NALF1: variants seen among roughly 807,000 people sequenced by gnomAD.
NALF1 encodes family with sequence similarity 155 member A.
A neutral mutation model predicts 48.4 loss-of-function variants in NALF1; 3 were observed. The ratio of observed to expected loss-of-function variants is 0.06; its 90% CI spans 0.03 to 0.16. The LOEUF (loss-of-function observed/expected upper bound fraction) is 0.16. NALF1 is among the 10% of genes least tolerant of loss of function. The probability of loss-of-function intolerance (pLI) is 1.00; values close to 1 mark genes in which losing one functional copy is unlikely to be tolerated. For missense variants in NALF1, 526 were observed against 571.5 expected (o/e 0.92, Z 0.81); for synonymous variants, 262 against 245.7 (o/e 1.07, Z -0.62).
intron 1 of NALF1, among the ~76,000 whole-genome samples, chr13:107,644,577 C>G (rs1880252721): frequency 1.3e-5 from 2 of 148,540 alleles, no homozygotes; most frequent in Non-Finnish European, 3.0e-5. Context: ...TTTAGCATCA[C>G]AGGACAGAAA....
intron 1 of NALF1, among the ~76,000 whole-genome samples, chr13:107,389,278 G>A (rs749025030): frequency 7.2e-5 from 11 of 152,142 alleles, no homozygotes; most frequent in Non-Finnish European, 1.5e-4. Flanking sequence ...AGATATGTTC[G>A]GGTCCTAACC....
chr13:107,276,824 A>G (rs1381160933), intron 1 of NALF1, among the ~76,000 whole-genome samples: 19 of 152,156 alleles, frequency 1.2e-4, no homozygotes, highest in Admixed American at 1.2e-3. Flanking sequence ...AAAACATTCT[A>G]TAGTTGGAAA....
intron 1 of NALF1, among the ~76,000 whole-genome samples, chr13:107,714,009 T>C (rs1875676829): frequency 6.6e-6 from 1 of 152,192 alleles, no homozygotes; most frequent in Non-Finnish European, 1.5e-5. Flanking sequence ...ATGAGAAGCC[T>C]CGGATGTGAG....
chr13:107,355,094 T>C (rs74116021), intron 1 of NALF1, among the ~76,000 whole-genome samples: 1 of 152,186 alleles, frequency 6.6e-6, no homozygotes, highest in Non-Finnish European at 1.5e-5. Context: ...CAGTGATCTT[T>C]GCTTGTGGGC....
intron 1 of NALF1, among the ~76,000 whole-genome samples, chr13:107,533,967 C>A (rs891666000): frequency 6.6e-5 from 10 of 151,760 alleles, no homozygotes; most frequent in African/African-American, 2.2e-4. Context: ...TTGGGGAGAA[C>A]CAGGGGACCA....
At chr13:107,855,179 C>T (rs1048295724) in intron 1 of NALF1, among the ~76,000 whole-genome samples, 5 of 152,160 alleles carry the variant, frequency 3.3e-5, no homozygotes, top group African/African-American at 1.2e-4. Flanking sequence ...ACTGGATGCA[C>T]CAATCCCCAT....
intron 1 of NALF1, among the ~76,000 whole-genome samples, chr13:107,601,583 G>C (rs1164713655): frequency 6.6e-6 from 1 of 152,140 alleles, no homozygotes; most frequent in Non-Finnish European, 1.5e-5. Context: ...ATTACCTCCT[G>C]ACTATAATTT....
intron 1 of NALF1, among the ~76,000 whole-genome samples, chr13:107,640,705 C>T (rs1880127854): frequency 6.6e-6 from 1 of 152,004 alleles, no homozygotes; most frequent in Non-Finnish European, 1.5e-5. Context: ...AGTATTTTTT[C>T]TAAGAATAAT....
chr13:107,482,243 T>C (rs1885265127), intron 1 of NALF1, among the ~76,000 whole-genome samples: 1 of 152,104 alleles, frequency 6.6e-6, no homozygotes, highest in African/African-American at 2.4e-5. Flanking sequence ...GCATCAGCTC[T>C]TTCCTGGGTC....
intron 1 of NALF1, among the ~76,000 whole-genome samples, chr13:107,453,207 TC>T (rs763146956): frequency 1.3e-5 from 2 of 152,188 alleles, no homozygotes; most frequent in African/African-American, 2.4e-5. Flanking sequence ...GTAGAGACCC[TC>T]TGTGGGAACT....
At chr13:107,839,386 T>C (rs1017211451) in intron 1 of NALF1, among the ~76,000 whole-genome samples, 2 of 147,378 alleles carry the variant, frequency 1.4e-5, no homozygotes, top group Non-Finnish European at 3.0e-5. Context: ...GCTTCCAATT[T>C]AAATCACTTA....
chr13:107,344,568 A>G (rs918381252), intron 1 of NALF1, among the ~76,000 whole-genome samples: 5 of 152,218 alleles, frequency 3.3e-5, no homozygotes, highest in Non-Finnish European at 7.4e-5. Flanking sequence ...ACATCAACCA[A>G]AGAACACAAA....
At chr13:107,277,266 C>G (rs1440759444) in intron 1 of NALF1, among the ~76,000 whole-genome samples, 2 of 151,996 alleles carry the variant, frequency 1.3e-5, no homozygotes, top group African/African-American at 4.8e-5. Context: ...GTCTCCTTGT[C>G]TATATAAATA....
At chr13:107,293,377 A>C (rs949488387) in intron 1 of NALF1, among the ~76,000 whole-genome samples, 6 of 152,154 alleles carry the variant, frequency 3.9e-5, no homozygotes, top group Non-Finnish European at 7.4e-5. Context: ...TCCTAAAGTA[A>C]GCATTCATTT....
intron 1 of NALF1, among the ~76,000 whole-genome samples, chr13:107,312,336 A>G (rs2138905142): frequency 6.6e-6 from 1 of 151,310 alleles, no homozygotes; most frequent in African/African-American, 2.4e-5. Context: ...AAAACCAAAC[A>G]CTGCATGTTC....
At chr13:107,307,694 A>G (rs192741581) in intron 1 of NALF1, among the ~76,000 whole-genome samples, 2 of 151,686 alleles carry the variant, frequency 1.3e-5, no homozygotes, top group Non-Finnish European at 2.9e-5. Flanking sequence ...TGGATAACAG[A>G]AAATTGAACA....
intron 2 of NALF1, among the ~76,000 whole-genome samples, chr13:107,187,227 CT>C (rs11325703): frequency 0.059 from 8,977 of 152,206 alleles, 537 homozygotes; most frequent in African/African-American, 0.15. Flanking sequence ...TGCAATGTCC[CT>C]TCTGCCACGT....
At chr13:107,416,489 T>C (rs541761956) in intron 1 of NALF1, among the ~76,000 whole-genome samples, 1 of 152,278 alleles carries the variant, frequency 6.6e-6, no homozygotes, top group South Asian at 2.1e-4. Context: ...TGAAGACCTC[T>C]ATGATTATCC....
chr13:107,614,896 C>G (rs1040002467), intron 1 of NALF1, among the ~76,000 whole-genome samples: 2 of 152,006 alleles, frequency 1.3e-5, no homozygotes, highest in Non-Finnish European at 1.5e-5. Context: ...CCTGCCTCAG[C>G]TTCCTGAGTA....
Sources: gnomAD v4.1 joint callset for allele counts (sites outside exome capture counted in the v4.1 genomes callset) on GRCh38, gnomAD v4.1.1 for gene constraint, MANE v1.5 for transcripts, NCBI Gene and HGNC (gene_info 2026-07-23, HGNC 2026-07-21) for gene names.